Variants in CTNNA3 observed in about 807,000 individuals in gnomAD.
The protein encoded by CTNNA3 is catenin alpha 3.
A neutral mutation model predicts 95.7 loss-of-function variants in CTNNA3; 76 were observed. That is an observed-to-expected ratio of 0.79 (90% CI 0.66 to 0.96). The LOEUF (loss-of-function observed/expected upper bound fraction) is 0.96, where lower values mean the gene tolerates loss of function less well. Among genes scored for constraint, CTNNA3 ranks in the 40% least tolerant of loss-of-function variants. The probability of loss-of-function intolerance (pLI) is 0.00; values close to 1 mark genes in which losing one functional copy is unlikely to be tolerated. For missense variants in CTNNA3, 1,191 were observed against 1,089.8 expected (o/e 1.09, Z -1.31); for synonymous variants, 431 against 374.4 (o/e 1.15, Z -1.74).
intron 5 of CTNNA3, among the ~76,000 whole-genome samples, chr10:67,250,403 A>G (rs867010067): frequency 2.8e-4 from 43 of 151,976 alleles, no homozygotes; most frequent in Middle Eastern, 3.4e-3. Context: ...TTTTAGTAGA[A>G]ATGGGGTTTC....
intron 7 of CTNNA3, among the ~76,000 whole-genome samples, chr10:67,051,572 G>A (rs1855102053): frequency 6.6e-6 from 1 of 150,856 alleles, no homozygotes; most frequent in Admixed American, 6.6e-5. Flanking sequence ...CGATTCTCCT[G>A]CCTCAATCAG....
chr10:67,667,894 T>A (rs2133543520), intron 1 of CTNNA3, among the ~76,000 whole-genome samples: 1 of 152,308 alleles, frequency 6.6e-6, no homozygotes, highest in South Asian at 2.1e-4. Flanking sequence ...TTTCTCAAAT[T>A]AACTTATAGG....
chr10:66,130,448 A>C (rs1297785225), intron 13 of CTNNA3, among the ~76,000 whole-genome samples: 2 of 151,242 alleles, frequency 1.3e-5, no homozygotes, highest in African/African-American at 4.9e-5. Context: ...TGGAAAAATT[A>C]ATAAGATAAA....
chr10:67,142,174 G>C (rs994724935), intron 7 of CTNNA3, among the ~76,000 whole-genome samples: 4 of 151,492 alleles, frequency 2.6e-5, no homozygotes, highest in African/African-American at 7.3e-5. Flanking sequence ...GCAGGTGAGA[G>C]GAAAAAAAAG....
intron 8 of CTNNA3, among the ~76,000 whole-genome samples, chr10:66,772,724 T>C (rs918675539): frequency 7.9e-5 from 12 of 152,200 alleles, no homozygotes; most frequent in African/African-American, 2.9e-4. Context: ...TCTCCTTAGA[T>C]ATTTCTAAGC....
chr10:65,939,817 A>G (rs1341113919), intron 17 of CTNNA3, among the ~76,000 whole-genome samples: 1 of 152,176 alleles, frequency 6.6e-6, no homozygotes, highest in African/African-American at 2.4e-5. Context: ...TACTTTTGGC[A>G]TTAGCAAGAT....
At chr10:67,314,569 G>A (rs1840961417) in intron 5 of CTNNA3, among the ~76,000 whole-genome samples, 2 of 152,026 alleles carry the variant, frequency 1.3e-5, no homozygotes, top group African/African-American at 4.8e-5. Flanking sequence ...TCCCCAACCT[G>A]CTCTGAAGTC....
In CTNNA3 at chr10:66,280,589, C is replaced by T. The variant is rs774317415; in HGVS notation, c.1765G>A (p.Ala589Thr). 46 of 1,607,490 alleles carry T rather than the reference C, an allele frequency of 2.9e-5. No individual in the cohort carries two copies. In the South Asian group the frequency reaches 5.1e-4, roughly 18 times the overall value. Residue 589 changes from alanine (A) to threonine (T), a missense_variant, in exon 13 of 18, where the codon GCC (alanine) becomes ACC (threonine). Transcript: ENST00000433211. ...GAGCTTTTGCTTAAGGCTTCCAAGG[C>T]AACATTCACTTGTGTTACAAATTCA... ...IPEFVTQVNVALEALSKSSLN... is the reference protein window; with the variant it reads ...IPEFVTQVNVTLEALSKSSLN...
intron 5 of CTNNA3, among the ~76,000 whole-genome samples, chr10:67,449,825 A>G (rs975175630): frequency 1.3e-5 from 2 of 152,192 alleles, no homozygotes; most frequent in African/African-American, 4.8e-5. Context: ...TAATTAAACT[A>G]AAGAGCTTCT....
chr10:66,466,339 T>TACACACACTATACACACACACAC (rs1838912529), intron 11 of CTNNA3, among the ~76,000 whole-genome samples: 1 of 141,770 alleles, frequency 7.1e-6, no homozygotes, highest in East Asian at 2.2e-4. Context: ...CACCCACCTA[T>TACACACACTATACACACACACAC]ACACACACAC....
chr10:66,435,351 C>G (rs567233936), intron 11 of CTNNA3, among the ~76,000 whole-genome samples: 1 of 151,966 alleles, frequency 6.6e-6, no homozygotes, highest in Admixed American at 6.6e-5. Context: ...TTCAGAGATT[C>G]GACTTTTTCC....
intron 9 of CTNNA3, among the ~76,000 whole-genome samples, chr10:66,718,874 A>G (rs1848538579): frequency 2.0e-5 from 3 of 152,134 alleles, no homozygotes; most frequent in Admixed American, 2.0e-4. Context: ...ATTGTTTGTT[A>G]AAATCATTTC....
rs570362565 is a variant in CTNNA3 at position 66,944,217 on chromosome 10, T to C, written c.1048-168693A>G. On this transcript the variant is annotated intron_variant, in intron 7 of 17. Transcript: ENST00000433211. ...CAAATAAGTTTATAAGTTTATGAAA[T>C]ATTCTAAATCATTTGTTATTATTTC... Among the ~76,000 whole-genome samples the C allele has an allele frequency of 3.3e-4, 51 of 152,336 alleles. 1 individual carries two copies. Among genetic ancestry groups the C allele is most frequent in the African/African-American group, 1.2e-3 (50 of 41,582 alleles).
intron 12 of CTNNA3, among the ~76,000 whole-genome samples, chr10:66,289,927 ATAGT>A (rs1173500629): frequency 6.6e-6 from 1 of 152,064 alleles, no homozygotes; most frequent in Non-Finnish European, 1.5e-5. Context: ...CTCCTCTAGC[ATAGT>A]TACTCTCTGA....
intron 7 of CTNNA3, among the ~76,000 whole-genome samples, chr10:67,057,010 G>A (rs1206688786): frequency 6.6e-6 from 1 of 152,118 alleles, no homozygotes; most frequent in Non-Finnish European, 1.5e-5. Context: ...TCTCTAATTA[G>A]TCACAGTCAT....
chr10:67,372,151 C>T (rs576120349), intron 5 of CTNNA3, among the ~76,000 whole-genome samples: 1 of 151,856 alleles, frequency 6.6e-6, no homozygotes, highest in African/African-American at 2.4e-5. Context: ...GAGTAGATTG[C>T]AAAAATTTTC....
intron 5 of CTNNA3, among the ~76,000 whole-genome samples, chr10:67,226,555 T>C (rs1182115088): frequency 6.6e-6 from 1 of 152,178 alleles, no homozygotes; most frequent in East Asian, 1.9e-4. Context: ...TAAGAAGCAA[T>C]TGGGACCCTA....
At chr10:67,306,116 C>T (rs1048830173) in intron 5 of CTNNA3, among the ~76,000 whole-genome samples, 5 of 152,126 alleles carry the variant, frequency 3.3e-5, no homozygotes, top group African/African-American at 1.2e-4. Context: ...GTGCAAATTT[C>T]TCTTTTAAAA....
chr10:66,161,468 G>A (rs577452718), intron 13 of CTNNA3, among the ~76,000 whole-genome samples: 8 of 152,140 alleles, frequency 5.3e-5, no homozygotes, highest in East Asian at 1.9e-4. Flanking sequence ...GCTTAGTTTC[G>A]CTGGATACAA....
Sources: gnomAD v4.1 joint callset for allele counts (sites outside exome capture counted in the v4.1 genomes callset) on GRCh38, gnomAD v4.1.1 for gene constraint, MANE v1.5 for transcripts, NCBI Gene and HGNC (gene_info 2026-07-23, HGNC 2026-07-21) for gene names.